Variants in RANBP17 observed in about 807,000 individuals in gnomAD.
RANBP17 encodes ran-binding protein 17.
Under a neutral mutation model 141.2 loss-of-function variants are expected in RANBP17, and 158 were observed. The observed-to-expected ratio is 1.12, with a 90% CI of 0.98 to 1.28. The LOEUF is 1.28. Ranked by LOEUF, RANBP17 falls within the 50% of genes most tolerant of loss-of-function variation. The pLI is 0.00. For missense variants in RANBP17, 1,438 were observed against 1,290.7 expected, an observed-to-expected ratio of 1.11 and a Z score of -1.75; for synonymous variants, 430 against 450.0, an observed-to-expected ratio of 0.96 and a Z score of 0.56.
intron 20 of RANBP17, chr5:171,207,526 T>C (rs1762646531): frequency 1.3e-5 from 2 of 152,234 alleles, no homozygotes; most frequent in South Asian, 4.1e-4. Context: ...TAATGTTTTC[T>C]TGTGAACTAG....
At chr5:171,244,380 A>G (rs901928250) in intron 24 of RANBP17, among the ~76,000 whole-genome samples, 2 of 152,192 alleles carry the variant, frequency 1.3e-5, no homozygotes, top group Admixed American at 1.3e-4. Context: ...CCATCTCAAA[A>G]ACAAAAAAAG....
chr5:171,271,226 G>A, intron 25 of RANBP17: 1 of 206,214 alleles, frequency 4.8e-6, no homozygotes, highest in Non-Finnish European at 9.9e-6. Context: ...TCCTCAATCA[G>A]TCAGTCAGTC....
In RANBP17 at chr5:171,299,303, TC is replaced by T. The variant is rs1373560091; in HGVS notation, c.*446del. ...TGTTAAATGAGTAGTTTGTTATGTG[TC>T]TGGAAGAAGCAGCGTTAGGGACTTT... is the stretch of plus-strand genomic sequence containing the variant. On this transcript the variant is annotated 3_prime_UTR_variant, in exon 28 of 28. Coordinates refer to ENST00000523189, the MANE Select transcript of RANBP17 (RefSeq NM_022897.5). 1 of 236,300 alleles carries T rather than the reference TC, an allele frequency of 4.2e-6. No individual in the cohort carries two copies. The highest frequency in any genetic ancestry group is 6.1e-5 in the East Asian group (1 of 16,446). The allele number at this position is 236,300 out of a possible 1,614,324, so 14.6% of individuals were successfully genotyped here. A position where few individuals can be genotyped will look rare whatever the true frequency, so the allele number is the denominator to read the frequency against.
In RANBP17 at chr5:171,215,268, G is replaced by A. The variant is rs185882035; in HGVS notation, c.2339+1530G>A. Among the ~76,000 whole-genome samples, 679 of 152,208 alleles carry A rather than the reference G, an allele frequency of 4.5e-3. 2 individuals carry two copies. The highest frequency in any genetic ancestry group is 7.6e-3 in the Non-Finnish European group (514 of 68,000). On this transcript the variant is annotated intron_variant, in intron 21 of 27. Transcript: ENST00000523189. ...TTTTATGGCTGCATAGTGTTCCGTG[G>A]TGTATATGTGCCACATTTTCTTTAT...
Position 171,293,468 on chromosome 5 carries a change from G to A in RANBP17, c.2944-415G>A, listed in dbSNP as rs576191590. 2.6e-5 allele frequency among the ~76,000 whole-genome samples: 4 copies of A among 152,314 alleles called. No individual in the cohort carries two copies. The South Asian group carries it at 6.2e-4, about 24-fold the overall frequency. On this transcript the variant is annotated intron_variant, in intron 25 of 27. Transcript: ENST00000523189. The stretch of plus-strand genomic sequence containing the variant: ...CCATTCCCCTCCCTCTCTCCAAGAG[G>A]GGCCATGGAGAGATTTCATCTCTCT...
chr5:170,938,079 A>G (rs1184778955), intron 12 of RANBP17, among the ~76,000 whole-genome samples: 2 of 152,054 alleles, frequency 1.3e-5, no homozygotes, highest in Admixed American at 6.6e-5. Context: ...AGCCTCTCCC[A>G]TCATCCAGAT....
chr5:171,167,316 A>G (rs1231705960), intron 14 of RANBP17, among the ~76,000 whole-genome samples: 1 of 152,200 alleles, frequency 6.6e-6, no homozygotes, highest in Admixed American at 6.5e-5. Flanking sequence ...AATGCATAAT[A>G]AAATGATTAA....
At chr5:170,873,879 G>T (rs1238313717) in intron 1 of RANBP17, among the ~76,000 whole-genome samples, 2 of 151,750 alleles carry the variant, frequency 1.3e-5, no homozygotes, top group South Asian at 4.2e-4. Context: ...TTCTTGTCTT[G>T]TGCTAGCTTT....
chr5:171,121,731 C>T (rs1417223084), intron 14 of RANBP17, among the ~76,000 whole-genome samples: 1 of 152,106 alleles, frequency 6.6e-6, no homozygotes, highest in Non-Finnish European at 1.5e-5. Flanking sequence ...CTCCATGCAA[C>T]TAGGTTTGTG....
intron 14 of RANBP17, among the ~76,000 whole-genome samples, chr5:171,103,902 CCTT>C (rs1448528756): frequency 7.9e-5 from 12 of 152,224 alleles, no homozygotes; most frequent in Non-Finnish European, 1.3e-4. Flanking sequence ...CCCCACCCAC[CCTT>C]CTTCGGCTCG....
intron 14 of RANBP17, among the ~76,000 whole-genome samples, chr5:171,145,584 A>C (rs961644375): frequency 6.6e-6 from 1 of 152,194 alleles, no homozygotes; most frequent in Non-Finnish European, 1.5e-5. Flanking sequence ...TTTTGATACT[A>C]GCAAAAATAA....
chr5:170,883,939 A>G (rs1768938190), intron 3 of RANBP17, among the ~76,000 whole-genome samples: 2 of 152,184 alleles, frequency 1.3e-5, no homozygotes, highest in East Asian at 1.9e-4. Context: ...TGTGTGCCCA[A>G]ACATTTTCAG....
At chr5:170,895,328 A>T (rs1770024397) in intron 4 of RANBP17, among the ~76,000 whole-genome samples, 1 of 152,232 alleles carries the variant, frequency 6.6e-6, no homozygotes, top group Non-Finnish European at 1.5e-5. Context: ...TGCTGCATTT[A>T]TGATTTTCAT....
At chr5:171,004,697 T>A (rs1034595871) in intron 14 of RANBP17, among the ~76,000 whole-genome samples, 2 of 152,022 alleles carry the variant, frequency 1.3e-5, no homozygotes, top group African/African-American at 4.8e-5. Context: ...AGTCAAGGAA[T>A]GTTGGGTTTG....
chr5:171,271,075 C>CCTTTTTTTTTTTTTTTTTTTTTT (rs1767076411), intron 25 of RANBP17: 1 of 27,540 alleles, frequency 3.6e-5, no homozygotes, highest in African/African-American at 1.7e-4. Context: ...TATGTTATTT[C>CCTTTTTTTTTTTTTTTTTTTTTT]TTTTTTTTTT....
chr5:170,903,096 C>T (rs1770782614), intron 5 of RANBP17, among the ~76,000 whole-genome samples: 2 of 152,204 alleles, frequency 1.3e-5, no homozygotes, highest in Admixed American at 1.3e-4. Flanking sequence ...AAGCTGTGCC[C>T]ACAGCCGCCC....
Position 170,968,377 on chromosome 5 carries a change from G to C in RANBP17, c.1710G>C (p.Lys570Asn), listed in dbSNP as rs1406486676. 1.2e-6 allele frequency: 2 copies of C among 1,603,446 alleles called. No homozygotes were observed. The highest frequency in any genetic ancestry group is 1.7e-6 in the Non-Finnish European group (2 of 1,175,870). ...YVGDQLQRTS[K>N]VYARMSEVLG... Reference sequence around the variant, plus strand: ...GTGATCAACTTCAAAGAACCTCAAAGGTAGGTTTCTACTAGAGAGTTTAAA... The same window carrying C: ...GTGATCAACTTCAAAGAACCTCAAACGTAGGTTTCTACTAGAGAGTTTAAA... Residue 570 changes from lysine to asparagine, a missense_variant and splice_region_variant, in exon 14 of 28, where the codon AAG (lysine) becomes AAC (asparagine). Lys to Asn is a moderately conservative substitution (Grantham distance 94). Transcript: ENST00000523189.
intron 14 of RANBP17, among the ~76,000 whole-genome samples, chr5:171,075,683 T>C (rs1177526436): frequency 6.6e-6 from 1 of 152,196 alleles, no homozygotes; most frequent in African/African-American, 2.4e-5. Context: ...CCAGGCGTGG[T>C]GGCTCAAGCC....
At chr5:170,917,507 G>T (rs1270860286) in intron 9 of RANBP17, among the ~76,000 whole-genome samples, 1 of 152,102 alleles carries the variant, frequency 6.6e-6, no homozygotes, top group African/African-American at 2.4e-5. Flanking sequence ...AATGATTTAA[G>T]GAGGTTTACC....
Sources: gnomAD v4.1 joint callset for allele counts (sites outside exome capture counted in the v4.1 genomes callset) on GRCh38, gnomAD v4.1.1 for gene constraint, MANE v1.5 for transcripts, NCBI Gene and HGNC (gene_info 2026-07-23, HGNC 2026-07-21) for gene names.